Variants in ARHGEF12 observed in about 807,000 individuals in gnomAD.
ARHGEF12 encodes KMT2A/ARHGEF12 fusion protein.
ARHGEF12 carries 66 observed loss-of-function variants against 211.2 expected under a neutral mutation model. The observed-to-expected ratio is 0.31, with a 90% CI of 0.26 to 0.38. The LOEUF is 0.38. Ranked by LOEUF, ARHGEF12 falls within the 10% of genes least tolerant of loss-of-function variation. The pLI, the probability that ARHGEF12 is intolerant of heterozygous loss-of-function variation, is 1.00. For missense variants in ARHGEF12, 1,429 were observed against 1,869.5 expected (o/e 0.76, Z 4.34); for synonymous variants, 592 against 638.4 (o/e 0.93, Z 1.09).
chr11:120,384,024 A>G (rs928208354), intron 1 of ARHGEF12, among the ~76,000 whole-genome samples: 1 of 152,182 alleles, frequency 6.6e-6, no homozygotes, highest in Admixed American at 6.5e-5. Context: ...CGTGTTTCTT[A>G]GGATACTTGG....
intron 1 of ARHGEF12, among the ~76,000 whole-genome samples, chr11:120,391,374 G>T (rs570182028): frequency 3.3e-5 from 5 of 152,242 alleles, no homozygotes. Context: ...GGGGAATCTG[G>T]CCAATCACCA....
At chr11:120,466,313 C>T (rs548335659) in intron 28 of ARHGEF12, among the ~76,000 whole-genome samples, 277 of 152,328 alleles carry the variant, frequency 1.8e-3, no homozygotes, top group Non-Finnish European at 3.0e-3. Flanking sequence ...TGGCTAGGAA[C>T]CAGTTTCAAC....
At chr11:120,356,387 A>AT (rs908274533) in intron 1 of ARHGEF12, among the ~76,000 whole-genome samples, 3 of 151,544 alleles carry the variant, frequency 2.0e-5, no homozygotes, top group Non-Finnish European at 1.5e-5. Flanking sequence ...CACCTGGCTA[A>AT]TTTTTTTTTA....
chr11:120,374,258 T>C (rs540327799), intron 1 of ARHGEF12, among the ~76,000 whole-genome samples: 3 of 152,338 alleles, frequency 2.0e-5, no homozygotes, highest in Non-Finnish European at 4.4e-5. Context: ...CTTTTAGATA[T>C]GCTTTTTTTC....
At position 120,337,139 on chromosome 11, in the gene ARHGEF12, G is replaced by GGGA; in HGVS notation, c.-105_-104insGGA. The GGGA allele has an allele frequency of 7.2e-7, 1 of 1,382,648 alleles. No individual in the cohort carries two copies. The allele number at this position is 1,382,648 out of a possible 1,614,324, so 85.6% of individuals were successfully genotyped here. Reference sequence around the variant, plus strand: ...ATGGAGTTTTGAGTTGGACTTTTGTGTCCCTGACGGAGTTGGGCCTGATCC... The same window carrying GGGA: ...ATGGAGTTTTGAGTTGGACTTTTGTGGGATCCCTGACGGAGTTGGGCCTGATCC... On this transcript the variant is annotated 5_prime_UTR_variant, in exon 1 of 41. Coordinates refer to ENST00000397843, the MANE Select transcript of ARHGEF12 (RefSeq NM_015313.3).
At chr11:120,465,459 T>G in intron 28 of ARHGEF12, 97 bp downstream of exon 28, 9 of 1,496,522 alleles carry the variant, frequency 6.0e-6, no homozygotes, top group Non-Finnish European at 8.2e-6. Flanking sequence ...TTACAAAGAT[T>G]ACATCTGTGT....
At chr11:120,433,914 C>T (rs1301998347) in intron 11 of ARHGEF12, among the ~76,000 whole-genome samples, 6 of 151,952 alleles carry the variant, frequency 3.9e-5, no homozygotes, top group African/African-American at 1.2e-4. Context: ...GCCAAGATCG[C>T]GCCATTGCAC....
intron 33 of ARHGEF12, 53 bp downstream of exon 33, chr11:120,475,560 T>C (rs1477266411): frequency 6.3e-7 from 1 of 1,574,896 alleles, no homozygotes; most frequent in Non-Finnish European, 8.7e-7. Context: ...TGAAGTTGCA[T>C]AAGATACTCG....
intron 20 of ARHGEF12, chr11:120,448,726 T>G (rs1206283140): frequency 3.6e-6 from 1 of 280,324 alleles, no homozygotes; most frequent in Non-Finnish European, 6.6e-6. Flanking sequence ...TTTTGTTTAG[T>G]GTTTACTAGA....
intron 4 of ARHGEF12, 29 bp downstream of exon 4, chr11:120,409,479 C>G: frequency 6.2e-7 from 1 of 1,607,520 alleles, no homozygotes; most frequent in Non-Finnish European, 8.5e-7. Context: ...TTCAGCCTTG[C>G]CCTTTGGAGC....
chr11:120,367,397 G>T (rs1482216276), intron 1 of ARHGEF12, among the ~76,000 whole-genome samples: 1 of 88,792 alleles, frequency 1.1e-5, no homozygotes, highest in Non-Finnish European at 1.9e-5. Flanking sequence ...GTGGAGTCTC[G>T]CTCTGTCGCC....
At chr11:120,366,111 C>G (rs1333114290) in intron 1 of ARHGEF12, 1 of 152,074 alleles carries the variant, frequency 6.6e-6, no homozygotes, top group African/African-American at 2.4e-5. Flanking sequence ...TAAAAAATTA[C>G]TGGATGTGGT....
Position 120,488,899 on chromosome 11 carries a change from A to T in ARHGEF12, c.*3822A>T, listed in dbSNP as rs1351250816. 5.6e-5 allele frequency: 12 copies of T among 216,168 alleles called. No individual in the cohort carries two copies. Among genetic ancestry groups the T allele is most frequent in the Non-Finnish European group, 1.0e-4 (11 of 107,202 alleles). 13.4% of individuals were successfully genotyped at this position (216,168 alleles called of 1,614,324 possible). ...TTATCCAGATGTACCTTTGTAAAAT[A>T]GCTCTTTTATGAATTAGCTGATAAG... On this transcript the variant is annotated 3_prime_UTR_variant, in exon 41 of 41. Transcript: ENST00000397843.
At chr11:120,348,841 C>CA (rs1160075201) in intron 1 of ARHGEF12, among the ~76,000 whole-genome samples, 10 of 151,410 alleles carry the variant, frequency 6.6e-5, no homozygotes, top group Admixed American at 1.3e-4. Context: ...AACACCGTCT[C>CA]AAAAAAAATA....
At chr11:120,454,604 G>A (rs572160985) in intron 22 of ARHGEF12, among the ~76,000 whole-genome samples, 34 of 152,268 alleles carry the variant, frequency 2.2e-4, no homozygotes, top group African/African-American at 7.2e-4. Flanking sequence ...GCTTAGCTGC[G>A]TGGGTCTCGG....
intron 30 of ARHGEF12, among the ~76,000 whole-genome samples, chr11:120,472,723 C>T (rs949744604): frequency 2.6e-5 from 4 of 151,654 alleles, no homozygotes; most frequent in African/African-American, 4.8e-5. Flanking sequence ...GGCGTGATCT[C>T]GGCTCACTGC....
chr11:120,432,020 C>T (rs55869319), intron 11 of ARHGEF12, 109 bp downstream of exon 11: 140,371 of 1,032,466 alleles, frequency 0.14, 10,751 homozygotes, highest in Admixed American at 0.3. Context: ...CACTTTTTAC[C>T]ATCCCCATTT....
chr11:120,483,499 C>G (rs1351301223), intron 39 of ARHGEF12, among the ~76,000 whole-genome samples: 1 of 151,868 alleles, frequency 6.6e-6, no homozygotes, highest in East Asian at 1.9e-4. Context: ...TCTCGGCTCA[C>G]CGCAACCTCC....
Position 120,469,316 on chromosome 11 carries a change from G to A in ARHGEF12, c.2883G>A (p.Lys961=), listed in dbSNP as rs1004048487. ...GGCCAACAGAAAGGGAGAAGGTGAAGAAAGCTGCAGATCACTGTCGTCAGA... is the reference window on the plus strand; with the variant it reads ...GGCCAACAGAAAGGGAGAAGGTGAAAAAAGCTGCAGATCACTGTCGTCAGA... ...TEWPTEREKV[K]KAADHCRQIL... is the part of the protein sequence containing the mutation. Residue 961 remains lysine (K), a synonymous_variant, in exon 30 of 41, where the codon AAG becomes AAA. Coordinates refer to ENST00000397843, the MANE Select transcript of ARHGEF12 (RefSeq NM_015313.3). 12 of 1,613,312 alleles carry A rather than the reference G, an allele frequency of 7.4e-6. No homozygotes were observed. The highest frequency in any genetic ancestry group is 1.7e-4 in the Middle Eastern group (1 of 6,052).
Sources: allele counts gnomAD v4.1 joint callset (sites outside exome capture counted in the v4.1 genomes callset), GRCh38; gene constraint gnomAD v4.1.1; transcripts MANE v1.5; gene names NCBI Gene and HGNC (gene_info 2026-07-23, HGNC 2026-07-21).